The following SLC7A1 variants were observed in gnomAD, a reference collection of about 807,000 sequenced individuals.
SLC7A1 encodes solute carrier family 7 member 1, also known as high affinity cationic amino acid transporter 1.
Under a neutral mutation model 53.9 loss-of-function variants are expected in SLC7A1, and 10 were observed. The ratio of observed to expected loss-of-function variants is 0.19; its 90% CI spans 0.11 to 0.31. The LOEUF (loss-of-function observed/expected upper bound fraction) is 0.31. Ranked by LOEUF, SLC7A1 falls within the 10% of genes least tolerant of loss-of-function variation. The probability of loss-of-function intolerance (pLI) is 1.00; values close to 1 mark genes in which losing one functional copy is unlikely to be tolerated. For synonymous variants in SLC7A1, 342 were observed against 338.7 expected, an observed-to-expected ratio of 1.01 and a Z score of -0.11; for missense variants, 525 against 827.2, an observed-to-expected ratio of 0.63 and a Z score of 4.48.
intron 2 of SLC7A1, among the ~76,000 whole-genome samples, chr13:29,551,557 G>T (rs781294155): frequency 1.3e-5 from 2 of 152,140 alleles, no homozygotes; most frequent in African/African-American, 2.4e-5. Context: ...CCCAAGAAGC[G>T]GAAGACTCTG....
At chr13:29,516,308 A>C in intron 11 of SLC7A1, 62 bp from the exon 12 acceptor site, 1 of 1,068,152 alleles carries the variant, frequency 9.4e-7, no homozygotes, top group Admixed American at 2.0e-5. Context: ...AGTTCAGTAA[A>C]ACTGTCTAGT....
At position 29,509,874 on chromosome 13, in the gene SLC7A1, G is replaced by A. The variant is rs1883342319; in HGVS notation, c.*4606C>T. 1 of 152,512 alleles carries A rather than the reference G, an allele frequency of 6.6e-6. No homozygotes were observed. Among genetic ancestry groups the A allele is most frequent in the African/African-American group, 2.4e-5 (1 of 41,408 alleles). The allele number at this position is 152,512 out of a possible 1,614,324, so 9.4% of individuals were successfully genotyped here. On this transcript the variant is annotated 3_prime_UTR_variant, in exon 13 of 13. Coordinates refer to ENST00000380752, the MANE Select transcript of SLC7A1 (RefSeq NM_003045.5). The stretch of plus-strand genomic sequence containing the variant: ...CCTCATTGGTATCATTACCCTTAGT[G>A]CTCCTTAAACTCATTGAAGCTGAAA...
rs769871672 is a variant in SLC7A1 at position 29,536,136 on chromosome 13, A to G, written c.53T>C (p.Val18Ala). The G allele has an allele frequency of 2.5e-6, 4 of 1,613,722 alleles. No homozygotes were observed. The highest frequency in any genetic ancestry group is 3.4e-6 in the Non-Finnish European group (4 of 1,179,982). The change falls in exon 3 of 13, where the codon GTG (valine) becomes GCG (alanine). Residue 18 changes from valine (V) to alanine (A), a missense_variant. Around this residue, in one of 4 missense-constraint regions of SLC7A1, gnomAD observed 354 missense variants for 587.5 expected, o/e 0.60. Coordinates refer to ENST00000380752, the MANE Select transcript of SLC7A1 (RefSeq NM_003045.5). ...CGTCTCCTCCCGGCTACAGTCCACC[A>G]CCTTCCGCCGCAGCATCTGCTGCCC... The part of the protein sequence containing the change: ...NIGQQMLRRK[V>A]VDCSREETRL...
chr13:29,535,788 A>C (rs777488320), intron 3 of SLC7A1, 31 bp downstream of exon 3: 2 of 1,591,738 alleles, frequency 1.3e-6, no homozygotes, highest in Admixed American at 3.4e-5. Flanking sequence ...AAAGTGGTAG[A>C]GGGCACGAGC....
intron 1 of SLC7A1, among the ~76,000 whole-genome samples, chr13:29,559,876 C>A (rs544933366): frequency 5.9e-5 from 9 of 151,990 alleles, no homozygotes; most frequent in Non-Finnish European, 1.2e-4. Context: ...CCACCGCGCC[C>A]GGATAATTTT....
At chr13:29,520,856 G>A (rs2183716) in intron 8 of SLC7A1, among the ~76,000 whole-genome samples, 2,218 of 152,268 alleles carry the variant, frequency 0.015, 53 homozygotes, top group African/African-American at 0.051. Flanking sequence ...TCCTACTCAC[G>A]GGAAACTTGA....
At chr13:29,541,544 G>C (rs1343694761) in intron 2 of SLC7A1, among the ~76,000 whole-genome samples, 1 of 152,198 alleles carries the variant, frequency 6.6e-6, no homozygotes, top group African/African-American at 2.4e-5. Context: ...GAGCAGATAG[G>C]AGGATTGATC....
intron 11 of SLC7A1, 119 bp downstream of exon 11, chr13:29,517,025 G>T: frequency 2.2e-6 from 2 of 919,320 alleles, no homozygotes; most frequent in Non-Finnish European, 3.2e-6. Context: ...CCTGAAGCTG[G>T]CTAGCAAAAA....
chr13:29,587,088 A>G (rs1291730421), intron 1 of SLC7A1, among the ~76,000 whole-genome samples: 1 of 152,182 alleles, frequency 6.6e-6, no homozygotes, highest in Non-Finnish European at 1.5e-5. Context: ...AAACAAACAC[A>G]TGGAAAAATA....
At chr13:29,579,176 T>A (rs768854423) in intron 1 of SLC7A1, among the ~76,000 whole-genome samples, 57 of 152,280 alleles carry the variant, frequency 3.7e-4, no homozygotes, top group Non-Finnish European at 8.2e-4. Context: ...GGCTCACTAA[T>A]CCTTTTGAAA....
intron 1 of SLC7A1, among the ~76,000 whole-genome samples, chr13:29,579,793 C>T (rs1448631426): frequency 6.6e-6 from 1 of 152,204 alleles, no homozygotes; most frequent in African/African-American, 2.4e-5. Flanking sequence ...GGACCACAAG[C>T]ATGCTGGTAC....
intron 2 of SLC7A1, among the ~76,000 whole-genome samples, chr13:29,543,304 G>A (rs1323038354): frequency 6.6e-6 from 1 of 152,210 alleles, no homozygotes; most frequent in African/African-American, 2.4e-5. Context: ...TCGAGCTGGA[G>A]GCCTTGGTTA....
In SLC7A1 at chr13:29,574,309, C is replaced by T. The variant is rs534856239; in HGVS notation, c.-114-20449G>A. On this transcript the variant is annotated intron_variant, in intron 1 of 12. Coordinates refer to ENST00000380752, the MANE Select transcript of SLC7A1 (RefSeq NM_003045.5). The stretch of plus-strand genomic sequence containing the variant: ...AGCTGTGGGAGATGCCTTGCAACTT[C>T]CAGAAAGGCCTACAGAGCTCCCCAT... Among the ~76,000 whole-genome samples the T allele has an allele frequency of 4.6e-5, 7 of 152,354 alleles. No homozygotes were observed. The South Asian group carries it at 1.4e-3, about 32-fold the overall frequency.
intron 1 of SLC7A1, among the ~76,000 whole-genome samples, chr13:29,589,894 G>A (rs558602743): frequency 3.9e-5 from 6 of 152,300 alleles, no homozygotes; most frequent in East Asian, 1.9e-4. Flanking sequence ...CAGAAGGGCC[G>A]ATCCCACTGG....
chr13:29,516,115 G>A (rs372155757), intron 12 of SLC7A1, 23 bp downstream of exon 12: 17 of 1,480,058 alleles, frequency 1.1e-5, no homozygotes, highest in African/African-American at 8.3e-5. Context: ...GATCTTGGAC[G>A]TGCTGGCAGC....
intron 5 of SLC7A1, 50 bp downstream of exon 5, chr13:29,530,488 C>A: frequency 2.0e-6 from 3 of 1,536,672 alleles, no homozygotes; most frequent in Non-Finnish European, 2.7e-6. Flanking sequence ...CCCATACAAT[C>A]TATGTCATTA....
rs1195225781 is a variant in SLC7A1 at position 29,579,278 on chromosome 13, G to A, written c.-115+16138C>T. On this transcript the variant is annotated intron_variant, in intron 1 of 12. Transcript: ENST00000380752. ...CGACATTCCAAACTCCACCTGAGGC[G>A]CCCCGCACAACAGGACACCACGGCC... 5.9e-5 allele frequency among the ~76,000 whole-genome samples: 9 copies of A among 151,996 alleles called. 1 individual carries two copies. In the South Asian group the frequency reaches 1.5e-3, roughly 25 times the overall value.
At position 29,517,699 on chromosome 13, in the gene SLC7A1, T is replaced by C; in HGVS notation, c.1384A>G (p.Asn462Asp). 1 of 1,614,222 alleles carries C rather than the reference T, an allele frequency of 6.2e-7. No individual in the cohort carries two copies. The highest frequency in any genetic ancestry group is 8.5e-7 in the Non-Finnish European group (1 of 1,180,022). ...PADQNELAST[N>D]DSQLGFLPEA... The stretch of plus-strand genomic sequence containing the variant: ...GGTAAAAAGCCCAGCTGGGAATCAT[T>C]GGTGCTTGCCAATTCATTTTGGTCT... Residue 462 changes from asparagine (N) to aspartate (D), a missense_variant, in exon 10 of 13, where the codon AAT becomes GAT. Physicochemically the swap from Asn to Asp is conservative, Grantham distance 23. Transcript: ENST00000380752.
chr13:29,519,412 A>G (rs764603340), intron 9 of SLC7A1, 35 bp downstream of exon 9: 1 of 1,270,674 alleles, frequency 7.9e-7, no homozygotes, highest in South Asian at 1.2e-5. Flanking sequence ...GTGCATCTGC[A>G]TTTCTGTCAT....
Sources: gnomAD v4.1 joint callset for allele counts (sites outside exome capture counted in the v4.1 genomes callset) on GRCh38, gnomAD v4.1.1 for gene constraint, gnomAD v4.1.1 regional missense constraint, MANE v1.5 for transcripts, NCBI Gene and HGNC (gene_info 2026-07-23, HGNC 2026-07-21) for gene names.